GRAMD4: variants seen among roughly 807,000 people sequenced by gnomAD.
The protein encoded by GRAMD4 is GRAM domain-containing protein 4.
In GRAMD4, 25 loss-of-function variants were observed where a neutral mutation model predicts 83.9. The ratio of observed to expected loss-of-function variants is 0.30; its 90% CI spans 0.22 to 0.42. GRAMD4 has a LOEUF of 0.42. GRAMD4 is among the 10% of genes least tolerant of loss of function. The pLI is 1.00. For synonymous variants in GRAMD4, 336 were observed against 320.9 expected (o/e 1.05, Z -0.50); for missense variants, 593 against 788.7 (o/e 0.75, Z 2.97).
At chr22:46,587,060 A>G (rs113286441) in intron 1 of GRAMD4, among the ~76,000 whole-genome samples, 49 of 152,282 alleles carry the variant, frequency 3.2e-4, no homozygotes, top group African/African-American at 9.9e-4. Flanking sequence ...ACTTCCTCGC[A>G]TGCTTTCTCA....
chr22:46,602,005 C>CT (rs1216391745), intron 1 of GRAMD4, among the ~76,000 whole-genome samples: 8 of 152,168 alleles, frequency 5.3e-5, no homozygotes, highest in African/African-American at 1.7e-4. Flanking sequence ...TCTCCTCCTC[C>CT]TCGTTTCCAT....
chr22:46,663,785 A>G lies in GRAMD4; in HGVS notation c.600-53A>G. ...AACGGAACCGGGCAGTGGGGACTGCAGAGCCGGCGGGTGCATTAACCCTGG... is the reference window on the plus strand; with the variant it reads ...AACGGAACCGGGCAGTGGGGACTGCGGAGCCGGCGGGTGCATTAACCCTGG... On this transcript the variant is annotated intron_variant, in intron 6 of 18. Transcript: ENST00000406902. 7 of 1,590,324 alleles carry G rather than the reference A, an allele frequency of 4.4e-6. No individual in the cohort carries two copies. The South Asian group carries it at 5.5e-5, about 13-fold the overall frequency.
intron 13 of GRAMD4, among the ~76,000 whole-genome samples, chr22:46,669,990 C>T (rs539998273): frequency 6.7e-4 from 102 of 152,350 alleles, no homozygotes; most frequent in African/African-American, 2.4e-3. Flanking sequence ...GGAGCGAGGC[C>T]GCCAGGGTCC....
intron 1 of GRAMD4, among the ~76,000 whole-genome samples, chr22:46,596,057 C>T (rs373656918): frequency 1.3e-5 from 2 of 152,224 alleles, no homozygotes; most frequent in African/African-American, 2.4e-5. Flanking sequence ...TTCACTTTCT[C>T]GTAATTCACT....
chr22:46,638,818 G>T (rs2081929687), intron 3 of GRAMD4, among the ~76,000 whole-genome samples: 1 of 152,216 alleles, frequency 6.6e-6, no homozygotes, highest in African/African-American at 2.4e-5. Flanking sequence ...TGACAGGCAG[G>T]GGCTTACGAC....
At chr22:46,661,282 C>A in intron 4 of GRAMD4, 99 bp from the exon 5 acceptor site, 2 of 858,646 alleles carry the variant, frequency 2.3e-6, no homozygotes, top group Admixed American at 1.8e-5. Flanking sequence ...CTGACCTCTC[C>A]TGTGCAGTAC....
intron 1 of GRAMD4, among the ~76,000 whole-genome samples, chr22:46,578,929 T>C (rs1430541013): frequency 1.3e-5 from 2 of 152,240 alleles, no homozygotes; most frequent in African/African-American, 4.8e-5. Context: ...AGATGCAGCT[T>C]GGTCCTGGAG....
rs140504996 is a variant in GRAMD4 at position 46,626,794 on chromosome 22, C to A, written c.-6C>A. ...TAGGGTGAAGCAGAGGACCTCAGTG[C>A]TGAACATGCTAAGGAGGTTGGACAA... On this transcript the variant is annotated 5_prime_UTR_variant, in exon 2 of 19. It adds an upstream start codon to the 5' untranslated region. Transcript: ENST00000406902. 1.2e-6 allele frequency: 2 copies of A among 1,613,622 alleles called. No individual in the cohort carries two copies. Among genetic ancestry groups the A allele is most frequent in the East Asian group, 2.2e-5 (1 of 44,870 alleles).
chr22:46,678,092 G>A lies in GRAMD4; in HGVS notation c.*841G>A. On this transcript the variant is annotated 3_prime_UTR_variant, in exon 19 of 19. Transcript: ENST00000406902. ...TTTCTCACACTTTGCTCTTTGGAAG[G>A]CCCAGGAGAACATCCGCGAAGGCTG... The A allele has an allele frequency of 1.0e-6, 1 of 985,582 alleles. No homozygotes were observed. The highest frequency in any genetic ancestry group is 1.2e-6 in the Non-Finnish European group (1 of 830,024). The allele number at this position is 985,582 out of a possible 1,614,324, so 61.1% of individuals were successfully genotyped here.
chr22:46,647,242 C>T (rs906358834), intron 3 of GRAMD4, among the ~76,000 whole-genome samples: 1 of 152,222 alleles, frequency 6.6e-6, no homozygotes. Flanking sequence ...GGCACTGATA[C>T]AGCAGCGTGT....
intron 13 of GRAMD4, among the ~76,000 whole-genome samples, chr22:46,671,647 C>G (rs891893996): frequency 6.9e-6 from 1 of 144,754 alleles, no homozygotes; most frequent in Non-Finnish European, 1.5e-5. Flanking sequence ...CAGAGCAAGA[C>G]TCCGTCTCAA....
At chr22:46,596,540 C>A (rs975593078) in intron 1 of GRAMD4, among the ~76,000 whole-genome samples, 1 of 152,154 alleles carries the variant, frequency 6.6e-6, no homozygotes, top group African/African-American at 2.4e-5. Flanking sequence ...AGAGATTAGC[C>A]TTTTTTATTT....
chr22:46,668,653 G>C, intron 11 of GRAMD4, 36 bp from the exon 12 acceptor site: 1 of 1,595,734 alleles, frequency 6.3e-7, no homozygotes, highest in Non-Finnish European at 8.6e-7. Context: ...GCCCAGGAGC[G>C]GGGGCTGTTG....
intron 3 of GRAMD4, among the ~76,000 whole-genome samples, chr22:46,644,897 C>CTT (rs35677843): frequency 0.025 from 1,043 of 40,982 alleles, 244 homozygotes; most frequent in East Asian, 0.051. Context: ...TGCACATGGC[C>CTT]TTTTTTTTTT....
At chr22:46,584,120 G>A (rs530777036) in intron 1 of GRAMD4, among the ~76,000 whole-genome samples, 2 of 152,224 alleles carry the variant, frequency 1.3e-5, no homozygotes, top group South Asian at 2.1e-4. Context: ...ACCCCTTCAC[G>A]GTGGGTGGTG....
chr22:46,585,201 T>C (rs1485249363), intron 1 of GRAMD4, among the ~76,000 whole-genome samples: 1 of 151,880 alleles, frequency 6.6e-6, no homozygotes, highest in East Asian at 1.9e-4. Flanking sequence ...TTCTTTTTTT[T>C]TTTTTTTAGA....
At chr22:46,577,174 C>G (rs1468140733) in exon 1 of GRAMD4, 2 of 574,250 alleles carry the variant, frequency 3.5e-6, no homozygotes, top group African/African-American at 2.0e-5. Flanking sequence ...GCCGCCTCCT[C>G]CCGGCTCCCC....
At chr22:46,670,518 T>C (rs1164010603) in intron 13 of GRAMD4, among the ~76,000 whole-genome samples, 1 of 152,136 alleles carries the variant, frequency 6.6e-6, no homozygotes, top group East Asian at 1.9e-4. Flanking sequence ...TGCAGTGCAC[T>C]TGCGGCCCTG....
At chr22:46,576,441 C>T (rs1464398520), upstream of GRAMD4, among the ~76,000 whole-genome samples, 6 of 152,280 alleles carry the variant, frequency 3.9e-5, no homozygotes, top group Admixed American at 2.6e-4. Context: ...GTCCCCTCTA[C>T]GGGTGTCCTG....
Sources: gnomAD v4.1 joint callset for allele counts (sites outside exome capture counted in the v4.1 genomes callset) on GRCh38, gnomAD v4.1.1 for gene constraint, MANE v1.5 for transcripts, NCBI Gene and HGNC (gene_info 2026-07-23, HGNC 2026-07-21) for gene names.